The following TMTC1 variants were observed in gnomAD, a reference collection of about 807,000 sequenced individuals.
TMTC1 encodes protein O-mannosyl-transferase TMTC1.
TMTC1 carries 73 observed loss-of-function variants against 104.8 expected under a neutral mutation model. The ratio of observed to expected loss-of-function variants is 0.70; its 90% CI spans 0.58 to 0.85. The LOEUF (loss-of-function observed/expected upper bound fraction) is 0.85. TMTC1 is among the 40% of genes least tolerant of loss of function. The pLI, the probability that TMTC1 is intolerant of heterozygous loss-of-function variation, is 0.00. For missense variants in TMTC1, 1,035 were observed against 1,096.1 expected, an observed-to-expected ratio of 0.94 and a Z score of 0.79; for synonymous variants, 434 against 428.7, an observed-to-expected ratio of 1.01 and a Z score of -0.15.
intron 5 of TMTC1, among the ~76,000 whole-genome samples, chr12:29,703,493 AT>A (rs1276861983): frequency 1.3e-5 from 2 of 152,156 alleles, no homozygotes; most frequent in Non-Finnish European, 2.9e-5. Context: ...AAATACTACT[AT>A]TTTTACTCAT....
intron 2 of TMTC1, among the ~76,000 whole-genome samples, chr12:29,765,676 T>TA (rs567673281): frequency 6.6e-5 from 10 of 152,266 alleles, no homozygotes; most frequent in South Asian, 4.1e-4. Context: ...TTAATAAATA[T>TA]AAAAAATCAC....
intron 2 of TMTC1, among the ~76,000 whole-genome samples, chr12:29,765,226 C>T (rs1943436977): frequency 6.6e-6 from 1 of 151,928 alleles, no homozygotes; most frequent in South Asian, 2.1e-4. Context: ...AAAAATTTTT[C>T]ATCATAATTT....
intron 11 of TMTC1, chr12:29,534,301 A>C (rs1944583113): frequency 6.6e-6 from 1 of 152,256 alleles, no homozygotes; most frequent in South Asian, 2.1e-4. Flanking sequence ...TATGCTCAAC[A>C]GCTGCTTCAT....
Position 29,507,111 on chromosome 12 carries a change from T to C in TMTC1, c.2509-125A>G, listed in dbSNP as rs1943714700. On this transcript the variant is annotated intron_variant, in intron 17 of 17. Transcript: ENST00000539277. ...TTAATGTTCTCATATGGAAACTCTG[T>C]CTGTATGTGTAATTTTATCCTTGTC... The C allele has an allele frequency of 5.2e-6, 4 of 766,222 alleles. No individual in the cohort carries two copies. The East Asian group carries it at 1.0e-4, about 19-fold the overall frequency. 47.5% of individuals were successfully genotyped at this position (766,222 alleles called of 1,614,324 possible).
At chr12:29,770,938 T>A (rs555591882) in intron 1 of TMTC1, among the ~76,000 whole-genome samples, 1 of 152,280 alleles carries the variant, frequency 6.6e-6, no homozygotes, top group South Asian at 2.1e-4. Context: ...GATGCATGCA[T>A]CACATCTTTA....
intron 10 of TMTC1, among the ~76,000 whole-genome samples, chr12:29,550,516 C>T (rs1945066363): frequency 6.6e-6 from 1 of 151,924 alleles, no homozygotes; most frequent in Non-Finnish European, 1.5e-5. Context: ...TTTAAAGTGT[C>T]AGCGGGAATG....
At chr12:29,509,819 C>T (rs77333395) in intron 17 of TMTC1, among the ~76,000 whole-genome samples, 3,375 of 152,260 alleles carry the variant, frequency 0.022, 44 homozygotes, top group Non-Finnish European at 0.031. Context: ...GTCAATAGAT[C>T]CTTCTTTAAT....
At chr12:29,689,240 C>G (rs1328229859) in intron 5 of TMTC1, among the ~76,000 whole-genome samples, 1 of 151,730 alleles carries the variant, frequency 6.6e-6, no homozygotes, top group East Asian at 1.9e-4. Context: ...GAAAAATAAG[C>G]CATTTTGCTT....
At chr12:29,671,298 TTAAATAAATAAATAAA>T (rs66951742) in intron 5 of TMTC1, among the ~76,000 whole-genome samples, 3 of 143,444 alleles carry the variant, frequency 2.1e-5, no homozygotes, top group East Asian at 4.1e-4. Flanking sequence ...AGACTCCATC[TTAAATAAATAAATAAA>T]TAAATAAATA....
At chr12:29,706,204 T>A (rs1941738055) in intron 5 of TMTC1, among the ~76,000 whole-genome samples, 1 of 152,054 alleles carries the variant, frequency 6.6e-6, no homozygotes, top group South Asian at 2.1e-4. Context: ...AGAACTGCAA[T>A]GGGGTGGTCA....
At chr12:29,648,050 C>T (rs569211932) in intron 5 of TMTC1, among the ~76,000 whole-genome samples, 1 of 152,280 alleles carries the variant, frequency 6.6e-6, no homozygotes, top group South Asian at 2.1e-4. Context: ...CCCAGATTTA[C>T]AAGAGTGGAG....
At chr12:29,629,866 AT>A (rs1301989890) in intron 6 of TMTC1, among the ~76,000 whole-genome samples, 2 of 152,084 alleles carry the variant, frequency 1.3e-5, no homozygotes, top group African/African-American at 4.8e-5. Flanking sequence ...AATCATTCAA[AT>A]TTTTTTCATT....
At chr12:29,557,607 G>A (rs1053156946) in intron 9 of TMTC1, among the ~76,000 whole-genome samples, 6 of 152,178 alleles carry the variant, frequency 3.9e-5, no homozygotes, top group African/African-American at 7.2e-5. Context: ...CCGCCACCAC[G>A]CCCAGTTAAT....
At position 29,755,755 on chromosome 12, in the gene TMTC1, ACAC is replaced by A; in HGVS notation, c.682_684del (p.Val228del). 1 of 1,614,176 alleles carries A rather than the reference ACAC, an allele frequency of 6.2e-7. No homozygotes were observed. Among genetic ancestry groups the A allele is most frequent in the Non-Finnish European group, 8.5e-7 (1 of 1,180,024 alleles). ...AGGGAAAAGAGGTCATAAACCAAGC[ACAC>A]TCCAAACACCGTGATGCCTGTCTCT... is the stretch of plus-strand genomic sequence containing the variant. On this transcript the variant is annotated inframe_deletion, in exon 4 of 18. Coordinates refer to ENST00000539277, the MANE Select transcript of TMTC1 (RefSeq NM_001193451.2).
chr12:29,560,241 C>G (rs1415269971), intron 9 of TMTC1, among the ~76,000 whole-genome samples: 1 of 152,186 alleles, frequency 6.6e-6, no homozygotes, highest in Non-Finnish European at 1.5e-5. Context: ...AACAAAAGAT[C>G]TGCTGAACTG....
intron 5 of TMTC1, among the ~76,000 whole-genome samples, chr12:29,656,291 C>A (rs947300778): frequency 2.7e-5 from 4 of 147,430 alleles, no homozygotes; most frequent in African/African-American, 1.0e-4. Context: ...AAAAGCTATT[C>A]ATAACAAATG....
At chr12:29,613,073 G>A (rs66849216) in intron 6 of TMTC1, among the ~76,000 whole-genome samples, 18,104 of 152,180 alleles carry the variant, frequency 0.12, 1,154 homozygotes, top group Middle Eastern at 0.21. Context: ...ATATTCCACT[G>A]TTTATGATGA....
At chr12:29,629,838 AT>A (rs938105756) in intron 6 of TMTC1, among the ~76,000 whole-genome samples, 3 of 152,228 alleles carry the variant, frequency 2.0e-5, no homozygotes, top group Non-Finnish European at 1.5e-5. Context: ...TTTCACCTCA[AT>A]TTTAAAAAGA....
chr12:29,584,053 AC>A (rs1946058050), intron 7 of TMTC1, among the ~76,000 whole-genome samples: 1 of 152,152 alleles, frequency 6.6e-6, no homozygotes, highest in African/African-American at 2.4e-5. Flanking sequence ...GATGCTGGTC[AC>A]CAAGGAGGAC....
Sources: gnomAD v4.1 joint callset for allele counts (sites outside exome capture counted in the v4.1 genomes callset) on GRCh38, gnomAD v4.1.1 for gene constraint, MANE v1.5 for transcripts, NCBI Gene and HGNC (gene_info 2026-07-23, HGNC 2026-07-21) for gene names.